SEPHS1: variants seen among roughly 807,000 people sequenced by gnomAD.
The protein encoded by SEPHS1 is zincore component SEPHS1.
A neutral mutation model predicts 39.2 loss-of-function variants in SEPHS1; 7 were observed. The observed-to-expected ratio is 0.18, with a 90% CI of 0.10 to 0.34. The LOEUF is 0.34. Among genes scored for constraint, SEPHS1 ranks in the 10% least tolerant of loss-of-function variants. The pLI, the probability that SEPHS1 is intolerant of heterozygous loss-of-function variation, is 1.00. For synonymous variants in SEPHS1, 190 were observed against 195.5 expected (o/e 0.97, Z 0.23); for missense variants, 253 against 514.5 (o/e 0.49, Z 4.92).
Position 13,333,924 on chromosome 10 carries a change from T to C in SEPHS1, c.453A>G (p.Ala151=). The change falls in exon 5 of 9, where the codon GCA becomes GCG. Residue 151 remains alanine (A), a synonymous_variant. Coordinates refer to ENST00000327347, the MANE Select transcript of SEPHS1 (RefSeq NM_012247.5). ...MPLIIQGFKD[A]AEEAGTSVTG... ...TTACAGATGTTCCTGCTTCCTCAGCTGCGTCTTTAAAACCTTGGATAATCA... is the reference window on the plus strand; with the variant it reads ...TTACAGATGTTCCTGCTTCCTCAGCCGCGTCTTTAAAACCTTGGATAATCA... 1 of 1,613,868 alleles carries C rather than the reference T, an allele frequency of 6.2e-7. No homozygotes were observed. The highest frequency in any genetic ancestry group is 1.7e-4 in the Middle Eastern group (1 of 6,060).
intron 4 of SEPHS1, among the ~76,000 whole-genome samples, chr10:13,335,589 G>A (rs902938710): frequency 4.0e-5 from 6 of 151,770 alleles, no homozygotes; most frequent in African/African-American, 1.5e-4. Context: ...GCTTGAACCT[G>A]GGAGGTGGAG....
At chr10:13,328,967 C>T in intron 6 of SEPHS1, among the ~76,000 whole-genome samples, 1 of 152,218 alleles carries the variant, frequency 6.6e-6, no homozygotes, top group East Asian at 1.9e-4. Flanking sequence ...CGACATCAAG[C>T]TAAGATATAC....
At position 13,348,104 on chromosome 10, in the gene SEPHS1, T is replaced by C. The variant is rs1833990020; in HGVS notation, c.-183A>G. The stretch of plus-strand genomic sequence containing the variant: ...CCCTTAAGCGTCGCCTGAATAAAAA[T>C]GCCGCGCCCGGCGGCGGCGGCGGCG... On this transcript the variant is annotated 5_prime_UTR_variant, in exon 1 of 9. Transcript: ENST00000327347. 7.0e-6 allele frequency: 1 copy of C among 143,548 alleles called. No individual in the cohort carries two copies. The highest frequency in any genetic ancestry group is 2.1e-4 in the South Asian group (1 of 4,666). 8.9% of individuals were successfully genotyped at this position (143,548 alleles called of 1,614,324 possible). A position where few individuals can be genotyped will look rare whatever the true frequency, so the allele number is the denominator to read the frequency against.
intron 5 of SEPHS1, 32 bp downstream of exon 5, chr10:13,333,785 G>T: frequency 6.2e-7 from 1 of 1,606,714 alleles, no homozygotes; most frequent in Non-Finnish European, 8.5e-7. Context: ...GAGAAAAACA[G>T]GTCAGGTGAT....
chr10:13,329,930 T>C, intron 5 of SEPHS1, 142 bp from the exon 6 acceptor site: 1 of 697,004 alleles, frequency 1.4e-6, no homozygotes, highest in Non-Finnish European at 2.5e-6. Context: ...CCAGCATGTA[T>C]GGGACAGAGC....
At chr10:13,328,123 C>T (rs10796060) in intron 7 of SEPHS1, among the ~76,000 whole-genome samples, 66,510 of 151,962 alleles carry the variant, frequency 0.44, 16,478 homozygotes, top group East Asian at 0.77. Flanking sequence ...AGAAATAGTT[C>T]CTCTGGTATG....
chr10:13,341,051 ATTT>A (rs1040089243), intron 2 of SEPHS1, among the ~76,000 whole-genome samples: 2 of 152,174 alleles, frequency 1.3e-5, no homozygotes, highest in African/African-American at 4.8e-5. Context: ...ATTCCACCTG[ATTT>A]TTGTTATCGG....
At chr10:13,321,329 C>T (rs938044433) in intron 8 of SEPHS1, among the ~76,000 whole-genome samples, 1 of 152,102 alleles carries the variant, frequency 6.6e-6, no homozygotes, top group African/African-American at 2.4e-5. Flanking sequence ...TCACTGCAAC[C>T]TGTGCCTCCT....
Position 13,333,927 on chromosome 10 carries a change from G to A in SEPHS1, c.450C>T (p.Asp150=), listed in dbSNP as rs143333501. The A allele has an allele frequency of 1.3e-3, 2,062 of 1,613,818 alleles. 5 individuals carry two copies. Among genetic ancestry groups the A allele is most frequent in the Non-Finnish European group, 1.6e-3 (1,864 of 1,179,818 alleles). ...VMPLIIQGFK[D]AAEEAGTSVT... ...CAGATGTTCCTGCTTCCTCAGCTGC[G>A]TCTTTAAAACCTTGGATAATCAGAG... is the stretch of plus-strand genomic sequence containing the variant. Residue 150 remains aspartate (D), a synonymous_variant, in exon 5 of 9, where the codon GAC becomes GAT. Transcript: ENST00000327347.
chr10:13,344,389 T>G (rs1217210698), intron 2 of SEPHS1, among the ~76,000 whole-genome samples: 3 of 152,206 alleles, frequency 2.0e-5, no homozygotes, highest in African/African-American at 4.8e-5. Flanking sequence ...CAATCTCAAT[T>G]GCATACTCCA....
At chr10:13,340,981 A>T (rs1018816672) in intron 2 of SEPHS1, among the ~76,000 whole-genome samples, 12 of 152,280 alleles carry the variant, frequency 7.9e-5, no homozygotes, top group African/African-American at 2.9e-4. Flanking sequence ...ATAATGTCGT[A>T]TATATACATA....
rs1196453069 is a variant in SEPHS1, at chr10:13,335,912, G to A, written c.405+331C>T. Among the ~76,000 whole-genome samples the A allele has an allele frequency of 3.3e-5, 5 of 151,284 alleles. 1 individual carries two copies. Among genetic ancestry groups the A allele is most frequent in the Admixed American group, 6.6e-5 (1 of 15,178 alleles). On this transcript the variant is annotated intron_variant, in intron 4 of 8. Coordinates refer to ENST00000327347, the MANE Select transcript of SEPHS1 (RefSeq NM_012247.5). The stretch of plus-strand genomic sequence containing the variant: ...GGAGAATTGTTTGAACCCGGGAGGC[G>A]GAGGTTGCAGTGGACTGAGATTGCG...
rs200372841 is a variant in SEPHS1 at position 13,338,811 on chromosome 10, G to A, written c.194-3C>T. 24 of 1,606,388 alleles carry A rather than the reference G, an allele frequency of 1.5e-5. No individual in the cohort carries two copies. Among genetic ancestry groups the A allele is most frequent in the Admixed American group, 5.0e-5 (3 of 60,012 alleles). Reference sequence around the variant, plus strand: ...GACACAAGTATCCATTCCAATGCCTGTGGAGATGGAAGTCATTAGCATCCA... The same window carrying A: ...GACACAAGTATCCATTCCAATGCCTATGGAGATGGAAGTCATTAGCATCCA... On this transcript the variant is annotated splice_polypyrimidine_tract_variant and splice_region_variant and intron_variant, in intron 2 of 8. Coordinates refer to ENST00000327347, the MANE Select transcript of SEPHS1 (RefSeq NM_012247.5).
intron 2 of SEPHS1, among the ~76,000 whole-genome samples, chr10:13,339,144 A>G (rs1479184759): frequency 6.6e-6 from 1 of 152,212 alleles, no homozygotes; most frequent in South Asian, 2.1e-4. Context: ...GGTACCGTAT[A>G]CAATTTCTTT....
At chr10:13,325,243 T>C (rs1173584672) in intron 7 of SEPHS1, among the ~76,000 whole-genome samples, 1 of 152,218 alleles carries the variant, frequency 6.6e-6, no homozygotes, top group African/African-American at 2.4e-5. Context: ...GCCACCTCAA[T>C]TTTCTCTGAT....
At chr10:13,326,347 GC>G (rs1564444969) in intron 7 of SEPHS1, among the ~76,000 whole-genome samples, 1 of 151,876 alleles carries the variant, frequency 6.6e-6, no homozygotes. Flanking sequence ...GGTGGCGGGC[GC>G]CTATAATCCC....
At chr10:13,331,142 T>C (rs995819560) in intron 5 of SEPHS1, among the ~76,000 whole-genome samples, 21 of 152,126 alleles carry the variant, frequency 1.4e-4, no homozygotes, top group African/African-American at 4.8e-4. Context: ...GCTTCATCCA[T>C]CTCCCTGCAA....
chr10:13,329,109 T>G (rs1159688642), intron 6 of SEPHS1, among the ~76,000 whole-genome samples: 2 of 152,230 alleles, frequency 1.3e-5, no homozygotes, highest in Non-Finnish European at 2.9e-5. Flanking sequence ...CTTATTAATT[T>G]GTGAGTTGTT....
chr10:13,344,745 CT>C lies in SEPHS1; in HGVS notation c.193+12del. 1 of 1,464,090 alleles carries C rather than the reference CT, an allele frequency of 6.8e-7. No individual in the cohort carries two copies. Among genetic ancestry groups the C allele is most frequent in the Non-Finnish European group, 9.1e-7 (1 of 1,097,956 alleles). 90.7% of individuals were successfully genotyped at this position (1,464,090 alleles called of 1,614,324 possible). A position where few individuals can be genotyped will look rare whatever the true frequency, so the allele number is the denominator to read the frequency against. ...TGGATCGCAGACCATCAAAGAAACA[CT>C]GGGTTACCTACCAAGCCTTGGCATA... On this transcript the variant is annotated intron_variant, in intron 2 of 8. Coordinates refer to ENST00000327347, the MANE Select transcript of SEPHS1 (RefSeq NM_012247.5).
Sources: gnomAD v4.1 joint callset for allele counts (sites outside exome capture counted in the v4.1 genomes callset) on GRCh38, gnomAD v4.1.1 for gene constraint, MANE v1.5 for transcripts, NCBI Gene and HGNC (gene_info 2026-07-23, HGNC 2026-07-21) for gene names.